CFAP299: variants seen among roughly 807,000 people sequenced by gnomAD.
CFAP299 encodes the protein cilia and flagella associated protein 299.
Under a neutral mutation model 27.0 loss-of-function variants are expected in CFAP299, and 21 were observed. That is an observed-to-expected ratio of 0.78 (90% confidence interval 0.55 to 1.12). The LOEUF (loss-of-function observed/expected upper bound fraction) is 1.12. CFAP299 is among the 50% of genes most tolerant of loss of function. CFAP299 has a pLI of 0.00. For synonymous variants in CFAP299, 104 were observed against 98.1 expected, an observed-to-expected ratio of 1.06 and a Z score of -0.36; for missense variants, 310 against 276.6, an observed-to-expected ratio of 1.12 and a Z score of -0.86.
At chr4:80,580,780 T>C (rs1241556441) in intron 2 of CFAP299, among the ~76,000 whole-genome samples, 1 of 152,020 alleles carries the variant, frequency 6.6e-6, no homozygotes, top group Non-Finnish European at 1.5e-5. Flanking sequence ...ACCCCATTGA[T>C]TTCAAGGTTG....
At chr4:80,768,825 A>C (rs1726045899) in intron 3 of CFAP299, among the ~76,000 whole-genome samples, 1 of 152,224 alleles carries the variant, frequency 6.6e-6, no homozygotes, top group South Asian at 2.1e-4. Flanking sequence ...CAACTGAGTT[A>C]AGACAGTCTT....
At chr4:80,935,166 GTT>G (rs1271489965) in intron 4 of CFAP299, among the ~76,000 whole-genome samples, 1 of 151,956 alleles carries the variant, frequency 6.6e-6, no homozygotes, top group Non-Finnish European at 1.5e-5. Context: ...TTTCCACAAA[GTT>G]TTGAATTTTC....
intron 3 of CFAP299, among the ~76,000 whole-genome samples, chr4:80,620,953 T>G (rs1738567986): frequency 6.6e-6 from 1 of 152,086 alleles, no homozygotes; most frequent in Non-Finnish European, 1.5e-5. Context: ...TCAAAACAAT[T>G]GAAGCTGTTA....
chr4:80,884,414 C>T (rs1042603975), intron 4 of CFAP299, among the ~76,000 whole-genome samples: 3 of 152,112 alleles, frequency 2.0e-5, no homozygotes, highest in Non-Finnish European at 4.4e-5. Context: ...TGAAAACCAA[C>T]AGGTAAAAGA....
chr4:80,959,318 A>G (rs936380094), intron 5 of CFAP299, among the ~76,000 whole-genome samples: 3 of 152,118 alleles, frequency 2.0e-5, no homozygotes, highest in Admixed American at 2.0e-4. Context: ...AAGTGTACAT[A>G]AGGCCTAAAC....
At chr4:80,387,220 C>T (rs939743821) in intron 2 of CFAP299, 8 of 1,445,294 alleles carry the variant, frequency 5.5e-6, no homozygotes, top group Non-Finnish European at 6.8e-6. Context: ...GGTCGTACAT[C>T]GGGGGTAAGT....
intron 2 of CFAP299, among the ~76,000 whole-genome samples, chr4:80,552,424 G>A (rs1186145355): frequency 6.6e-6 from 1 of 152,148 alleles, no homozygotes; most frequent in African/African-American, 2.4e-5. Flanking sequence ...AACTGTGCCA[G>A]TAACCCTGAG....
chr4:80,362,526 C>T (rs535236052), intron 1 of CFAP299, among the ~76,000 whole-genome samples: 73 of 134,716 alleles, frequency 5.4e-4, no homozygotes, highest in Non-Finnish European at 9.4e-4. Context: ...ATTTTTTTTT[C>T]ATCTTAAATA....
chr4:80,357,066 AG>A lies in CFAP299; in HGVS notation c.112-5686del, dbSNP rs560919144. 1.1e-3 allele frequency among the ~76,000 whole-genome samples: 161 copies of A among 152,296 alleles called. 3 individuals carry two copies. The highest frequency in any genetic ancestry group is 3.7e-3 in the African/African-American group (153 of 41,554). On this transcript the variant is annotated intron_variant, in intron 1 of 5. Transcript: ENST00000358105. Reference sequence around the variant, plus strand: ...ATGAAGGGATGTTGAATTTTATCCAAGGTCTTTTCTGCATACTATTGAAATA... The same window carrying A: ...ATGAAGGGATGTTGAATTTTATCCAAGTCTTTTCTGCATACTATTGAAATA...
In CFAP299 at chr4:80,641,479, A is replaced by G. The variant is rs1444511666; in HGVS notation, c.333+58296A>G. ...CAGCCTCCCAAAGTGCTGGGATTAC[A>G]GGCATGAGCCACCATGCCCAATCTT... On this transcript the variant is annotated intron_variant, in intron 3 of 5. Coordinates refer to ENST00000358105, the MANE Select transcript of CFAP299 (RefSeq NM_152770.3). Among the ~76,000 whole-genome samples, 9 of 152,314 alleles carry G rather than the reference A, an allele frequency of 5.9e-5. No homozygotes were observed. The South Asian group carries it at 1.0e-3, about 18-fold the overall frequency.
At chr4:80,870,243 A>G (rs1578201627) in intron 4 of CFAP299, 108 bp downstream of exon 4, 6 of 1,340,694 alleles carry the variant, frequency 4.5e-6, no homozygotes, top group Non-Finnish European at 5.8e-6. Flanking sequence ...GGAATGTGAT[A>G]TAACTGGTTA....
chr4:80,863,882 G>T (rs1210624658), intron 3 of CFAP299, among the ~76,000 whole-genome samples: 2 of 151,968 alleles, frequency 1.3e-5, no homozygotes, highest in African/African-American at 4.8e-5. Flanking sequence ...TGTCTTTTGG[G>T]AAATTAACTG....
chr4:80,627,034 C>A (rs1328529516), intron 3 of CFAP299, among the ~76,000 whole-genome samples: 1 of 151,512 alleles, frequency 6.6e-6, no homozygotes, highest in African/African-American at 2.4e-5. Context: ...AACAAACAAA[C>A]AAAAAACTAC....
At chr4:80,340,771 T>G (rs1048749896) in intron 1 of CFAP299, among the ~76,000 whole-genome samples, 15 of 146,886 alleles carry the variant, frequency 1.0e-4, no homozygotes, top group Admixed American at 7.3e-4. Context: ...TAACACTCCT[T>G]TATTTTATTT....
the CFAP299 span, among the ~76,000 whole-genome samples, chr4:80,330,396 C>T: frequency 2.0e-5 from 3 of 152,128 alleles, no homozygotes; most frequent in East Asian, 1.9e-4. Flanking sequence ...CAGACCACAG[C>T]GTGGTCTACT....
intron 3 of CFAP299, among the ~76,000 whole-genome samples, chr4:80,631,865 C>CG (rs1553942310): frequency 2.4e-5 from 1 of 42,160 alleles, no homozygotes; most frequent in East Asian, 1.4e-3. Flanking sequence ...TTGTGCCCCA[C>CG]CCCCCCCCAA....
chr4:80,739,060 C>T (rs533068159), intron 3 of CFAP299, among the ~76,000 whole-genome samples: 3 of 152,094 alleles, frequency 2.0e-5, no homozygotes, highest in Non-Finnish European at 2.9e-5. Context: ...ACTTTAGTTT[C>T]GTCCCCCTGC....
intron 2 of CFAP299, among the ~76,000 whole-genome samples, chr4:80,571,481 G>A (rs1383336423): frequency 6.6e-6 from 1 of 152,090 alleles, no homozygotes. Flanking sequence ...GTAGTTTCAA[G>A]TTGTACAAAA....
chr4:80,769,608 G>A (rs1197552058), intron 3 of CFAP299, among the ~76,000 whole-genome samples: 1 of 152,192 alleles, frequency 6.6e-6, no homozygotes. Context: ...TGCCTAGGCT[G>A]GTATGGAACC....
Sources: gnomAD v4.1 joint callset for allele counts (sites outside exome capture counted in the v4.1 genomes callset) on GRCh38, gnomAD v4.1.1 for gene constraint, MANE v1.5 for transcripts, NCBI Gene and HGNC (gene_info 2026-07-23, HGNC 2026-07-21) for gene names.